Variants in ARHGEF28 observed in about 807,000 individuals in gnomAD.
ARHGEF28 encodes Rho guanine nucleotide exchange factor 28.
In ARHGEF28, 152 loss-of-function variants were observed where a neutral mutation model predicts 206.6. The observed-to-expected ratio is 0.74, with a 90% CI of 0.64 to 0.84. ARHGEF28 has a LOEUF of 0.84. Among genes scored for constraint, ARHGEF28 ranks in the 40% least tolerant of loss-of-function variants. ARHGEF28 has a pLI of 0.00. For missense variants in ARHGEF28, 2,028 were observed against 2,073.2 expected (o/e 0.98, Z 0.42); for synonymous variants, 763 against 776.4 (o/e 0.98, Z 0.29).
At position 73,873,213 on chromosome 5, in the gene ARHGEF28, G is replaced by A. The variant is rs1239906409; in HGVS notation, c.2781G>A (p.Val927=). 3.0e-5 allele frequency: 48 copies of A among 1,611,446 alleles called. No homozygotes were observed. The highest frequency in any genetic ancestry group is 3.9e-5 in the Non-Finnish European group (46 of 1,178,886). ...GTGCTGGCAGCGACAGGAATTTTGTGATCGACCGAATTGGAGATATTTTGG... is the reference window on the plus strand; with the variant it reads ...GTGCTGGCAGCGACAGGAATTTTGTAATCGACCGAATTGGAGATATTTTGG... ...ESCAGSDRNF[V]IDRIGDILVQ... Residue 927 remains valine (V), a synonymous_variant, in exon 22 of 36, where the codon GTG becomes GTA. Transcript: ENST00000513042.
intron 16 of ARHGEF28, chr5:73,862,986 T>TC (rs1324452665): frequency 2.0e-5 from 3 of 152,204 alleles, no homozygotes; most frequent in South Asian, 2.1e-4. Context: ...TTTTTTTTTT[T>TC]CACACAAGAA....
intron 1 of ARHGEF28, among the ~76,000 whole-genome samples, chr5:73,643,034 T>C (rs1744223028): frequency 6.6e-6 from 1 of 152,246 alleles, no homozygotes; most frequent in Non-Finnish European, 1.5e-5. Flanking sequence ...CTATGAGTAT[T>C]TGTTCTGAGA....
intron 2 of ARHGEF28, among the ~76,000 whole-genome samples, chr5:73,732,987 T>G (rs923170730): frequency 1.3e-5 from 2 of 152,208 alleles, no homozygotes; most frequent in South Asian, 4.1e-4. Flanking sequence ...ATTTTTAGCT[T>G]TTTAAAAATT....
In ARHGEF28 at chr5:73,858,164, G is replaced by A. The variant is rs1759170093; in HGVS notation, c.1992G>A (p.Leu664=). The change falls in exon 16 of 36, where the codon CTG becomes CTA. Residue 664 remains leucine, a synonymous_variant. Coordinates refer to ENST00000513042, the MANE Select transcript of ARHGEF28 (RefSeq NM_001177693.2). ...CCCCAGGAACATTCTCTGGGGTTCT[G>A]CAGTGTTTGGTTTGTGATAAAACAC... The part of the protein sequence containing the change: ...QFAPGTFSGV[L]QCLVCDKTLL... The A allele has an allele frequency of 6.2e-7, 1 of 1,611,678 alleles. No individual in the cohort carries two copies. The highest frequency in any genetic ancestry group is 1.3e-5 in the African/African-American group (1 of 74,912).
In ARHGEF28 at chr5:73,651,229, A is replaced by C. The variant is rs147663241; in HGVS notation, c.-12+24907A>C. ...GGTCATGAGCTCTGGAGTGAGATAG[A>C]CTTGGGCTTACTTACCAGCTCGACT... On this transcript the variant is annotated intron_variant, in intron 1 of 35. Transcript: ENST00000513042. Among the ~76,000 whole-genome samples the C allele has an allele frequency of 2.2e-3, 337 of 152,230 alleles. 1 individual carries two copies. Among genetic ancestry groups the C allele is most frequent in the African/African-American group, 7.7e-3 (321 of 41,518 alleles).
In ARHGEF28 at chr5:73,911,693, G is replaced by A. The variant is rs1580090130; in HGVS notation, c.4948+118G>A. ...CCTAGCATGGGAATAAATCGGTACTGATGAGCTGGAGTTTGTGGCATTCAC... is the reference window on the plus strand; with the variant it reads ...CCTAGCATGGGAATAAATCGGTACTAATGAGCTGGAGTTTGTGGCATTCAC... On this transcript the variant is annotated intron_variant, in intron 35 of 35. Transcript: ENST00000513042. 1.2e-5 allele frequency: 13 copies of A among 1,079,120 alleles called. No individual in the cohort carries two copies. In the East Asian group the frequency reaches 2.6e-4, roughly 22 times the overall value. 66.8% of individuals were successfully genotyped at this position (1,079,120 alleles called of 1,614,324 possible). A position where few individuals can be genotyped will look rare whatever the true frequency, so the allele number is the denominator to read the frequency against.
chr5:73,762,507 T>C (rs1752662542), intron 4 of ARHGEF28, among the ~76,000 whole-genome samples: 1 of 151,608 alleles, frequency 6.6e-6, no homozygotes, highest in Non-Finnish European at 1.5e-5. Context: ...TATTTTGAGC[T>C]TTTTATTCTT....
At chr5:73,710,527 C>A (rs1056503130) in intron 2 of ARHGEF28, among the ~76,000 whole-genome samples, 1 of 152,080 alleles carries the variant, frequency 6.6e-6, no homozygotes, top group African/African-American at 2.4e-5. Context: ...TTTCACAGAG[C>A]AAAAGTTTTA....
At chr5:73,834,089 ATATT>A (rs1160029088) in intron 10 of ARHGEF28, among the ~76,000 whole-genome samples, 11 of 152,228 alleles carry the variant, frequency 7.2e-5, no homozygotes, top group African/African-American at 2.7e-4. Context: ...GAAATTATAT[ATATT>A]TAAAGAATAC....
rs1285231886 is a variant in ARHGEF28, at chr5:73,773,865, C to T, written c.486C>T (p.His162=). ...LGSSSLEVSS[H]RESLLHLAMR... ...TTTTTTCCTCTTCAGTATCTTCTCA[C>T]AGAGAATCTCTTCTACACCTGGCTA... Residue 162 remains histidine (H), a synonymous_variant, in exon 5 of 36, where the codon CAC becomes CAT. Transcript: ENST00000513042. 6.2e-7 allele frequency: 1 copy of T among 1,600,384 alleles called. No homozygotes were observed. Among genetic ancestry groups the T allele is most frequent in the Non-Finnish European group, 8.5e-7 (1 of 1,173,896 alleles).
At chr5:73,856,687 T>C (rs938986918) in intron 14 of ARHGEF28, among the ~76,000 whole-genome samples, 1 of 152,122 alleles carries the variant, frequency 6.6e-6, no homozygotes. Context: ...TAATGATATA[T>C]ATTTTGGTGT....
chr5:73,856,957 T>G (rs916218644), intron 14 of ARHGEF28, among the ~76,000 whole-genome samples: 10 of 152,200 alleles, frequency 6.6e-5, no homozygotes, highest in Admixed American at 3.9e-4. Flanking sequence ...TCTGCATATG[T>G]TTTTTTCTAG....
intron 35 of ARHGEF28, among the ~76,000 whole-genome samples, chr5:73,938,147 C>G (rs1764519924): frequency 7.6e-6 from 1 of 132,286 alleles, no homozygotes; most frequent in African/African-American, 2.8e-5. Flanking sequence ...TCTGATTAAA[C>G]TTCTACACTA....
intron 26 of ARHGEF28, among the ~76,000 whole-genome samples, chr5:73,889,046 T>TAC (rs1448181761): frequency 1.3e-5 from 2 of 152,234 alleles, no homozygotes; most frequent in African/African-American, 4.8e-5. Context: ...CTACTGTTCA[T>TAC]ACACTCCTGA....
intron 13 of ARHGEF28, among the ~76,000 whole-genome samples, chr5:73,849,654 CA>C (rs1758579633): frequency 6.6e-6 from 1 of 151,748 alleles, no homozygotes; most frequent in Non-Finnish European, 1.5e-5. Flanking sequence ...AGGATACATA[CA>C]AAAAGGAGTG....
At position 73,684,864 on chromosome 5, in the gene ARHGEF28, T is replaced by G. The variant is rs1747348661; in HGVS notation, c.13T>G (p.Cys5Gly). The G allele has an allele frequency of 3.7e-6, 6 of 1,610,868 alleles. No individual in the cohort carries two copies. The highest frequency in any genetic ancestry group is 1.3e-5 in the African/African-American group (1 of 75,002). Residue 5 changes from cysteine (C) to glycine (G), a missense_variant, in exon 2 of 36, where the codon TGC (cysteine) becomes GGC (glycine). Transcript: ENST00000513042. ...AGATGCGAAAGCCATGGAGTTGAGC[T>G]GCAGCGAAGCACCTCTTTACGTAAG... MELS[C>G]SEAPLYGQMM...
intron 7 of ARHGEF28, among the ~76,000 whole-genome samples, chr5:73,783,563 A>G (rs1379668458): frequency 1.3e-5 from 2 of 152,116 alleles, no homozygotes; most frequent in African/African-American, 4.8e-5. Context: ...GCCTAGTGGA[A>G]GATGGGGACC....
chr5:73,848,235 A>G (rs1460590935), intron 12 of ARHGEF28, among the ~76,000 whole-genome samples: 7 of 152,310 alleles, frequency 4.6e-5, no homozygotes, highest in Admixed American at 2.6e-4. Flanking sequence ...TAAGAAAACT[A>G]TGTTTTAATG....
intron 35 of ARHGEF28, among the ~76,000 whole-genome samples, chr5:73,937,415 T>C (rs1184514764): frequency 6.6e-6 from 1 of 152,314 alleles, no homozygotes; most frequent in Non-Finnish European, 1.5e-5. Flanking sequence ...TTTGGGGCTT[T>C]TATGTGTTTT....
Sources: gnomAD v4.1 joint callset for allele counts (sites outside exome capture counted in the v4.1 genomes callset) on GRCh38, gnomAD v4.1.1 for gene constraint, MANE v1.5 for transcripts, NCBI Gene and HGNC (gene_info 2026-07-23, HGNC 2026-07-21) for gene names.